The following CSMD1 variants were observed in gnomAD, a reference collection of about 807,000 sequenced individuals.
CSMD1 encodes CUB and sushi domain-containing protein 1.
A neutral mutation model predicts 417.5 loss-of-function variants in CSMD1; 213 were observed. The observed-to-expected ratio is 0.51, with a 90% CI of 0.46 to 0.57. CSMD1 has a LOEUF of 0.57. Ranked by LOEUF, CSMD1 falls within the 20% of genes least tolerant of loss-of-function variation. The pLI is 0.00. For missense variants in CSMD1, 6,923 were observed against 4,529.7 expected, an observed-to-expected ratio of 1.53 and a Z score of -15.17; for synonymous variants, 2,862 against 1,736.8, an observed-to-expected ratio of 1.65 and a Z score of -16.11.
chr8:4,924,022 G>A (rs772338579), intron 1 of CSMD1, among the ~76,000 whole-genome samples: 2 of 152,136 alleles, frequency 1.3e-5, no homozygotes, highest in African/African-American at 4.8e-5. Flanking sequence ...TTTGTCCTCT[G>A]TCACATCTCA....
chr8:3,656,404 A>G (rs1282005021), intron 7 of CSMD1, among the ~76,000 whole-genome samples: 1 of 151,880 alleles, frequency 6.6e-6, no homozygotes, highest in Non-Finnish European at 1.5e-5. Context: ...TTTTCCTCTC[A>G]GTGCATCACC....
chr8:4,049,447 G>A (rs17068768), intron 3 of CSMD1, among the ~76,000 whole-genome samples: 5,337 of 151,432 alleles, frequency 0.035, 161 homozygotes, highest in East Asian at 0.15. Context: ...CTGCCTACGA[G>A]ATGTCACCCA....
At chr8:3,160,034 C>G (rs141998710) in intron 38 of CSMD1, among the ~76,000 whole-genome samples, 100 of 152,270 alleles carry the variant, frequency 6.6e-4, no homozygotes, top group African/African-American at 2.4e-3. Context: ...AATTATAAAG[C>G]AAGCCCCGAA....
intron 5 of CSMD1, among the ~76,000 whole-genome samples, chr8:3,977,354 A>G (rs1407165094): frequency 2.0e-5 from 3 of 152,202 alleles, no homozygotes; most frequent in Non-Finnish European, 4.4e-5. Context: ...AGCAATGTCA[A>G]GTAGAAGGCA....
chr8:3,918,248 T>C (rs1398359420), intron 5 of CSMD1, among the ~76,000 whole-genome samples: 2 of 151,952 alleles, frequency 1.3e-5, no homozygotes, highest in East Asian at 1.9e-4. Flanking sequence ...GTAGGTTTTG[T>C]TGTTGTTGTT....
chr8:4,162,713 G>A (rs183905641), intron 3 of CSMD1, among the ~76,000 whole-genome samples: 3 of 152,252 alleles, frequency 2.0e-5, no homozygotes, highest in East Asian at 3.9e-4. Flanking sequence ...CCAGAGTGGT[G>A]CATTTGTTCC....
chr8:3,608,549 G>A (rs1470599019), intron 8 of CSMD1, among the ~76,000 whole-genome samples: 2 of 152,034 alleles, frequency 1.3e-5, no homozygotes, highest in African/African-American at 4.8e-5. Flanking sequence ...GGATCACGAG[G>A]TCAGGAGTTT....
At chr8:4,660,647 C>T (rs533340008) in intron 1 of CSMD1, among the ~76,000 whole-genome samples, 4 of 151,438 alleles carry the variant, frequency 2.6e-5, no homozygotes, top group African/African-American at 7.3e-5. Flanking sequence ...AAATTAAAAA[C>T]ATTTCCTCTT....
intron 23 of CSMD1, among the ~76,000 whole-genome samples, chr8:3,312,874 G>C (rs12681888): frequency 0.12 from 18,083 of 152,120 alleles, 1,342 homozygotes; most frequent in Admixed American, 0.18. Flanking sequence ...CATTCGTTAG[G>C]ATACAGCCTA....
At position 4,586,737 on chromosome 8, in the gene CSMD1, C is replaced by T. The variant is rs369479699; in HGVS notation, c.302+50605G>A. 2.0e-3 allele frequency among the ~76,000 whole-genome samples: 298 copies of T among 152,264 alleles called. 1 individual carries two copies. Among genetic ancestry groups the T allele is most frequent in the African/African-American group, 6.8e-3 (283 of 41,540 alleles). Reference sequence around the variant, plus strand: ...AAGCATCATGCCTGTGAGAGAGATCCTCCATGAATAGCTGTGCGGTTCCCC... The same window carrying T: ...AAGCATCATGCCTGTGAGAGAGATCTTCCATGAATAGCTGTGCGGTTCCCC... On this transcript the variant is annotated intron_variant, in intron 2 of 69. Coordinates refer to ENST00000635120, the MANE Select transcript of CSMD1 (RefSeq NM_033225.6).
intron 49 of CSMD1, among the ~76,000 whole-genome samples, chr8:3,070,198 G>A (rs537782243): frequency 6.6e-6 from 1 of 152,322 alleles, no homozygotes; most frequent in African/African-American, 2.4e-5. Flanking sequence ...ATACCTTCAA[G>A]GCCTTTTCCC....
rs114201889 is a variant in CSMD1, at chr8:3,558,908, C to T, written c.1344+16037G>A. Among the ~76,000 whole-genome samples, 1,068 of 152,244 alleles carry T rather than the reference C, an allele frequency of 7.0e-3. 15 individuals are homozygous for T. The highest frequency in any genetic ancestry group is 0.024 in the African/African-American group (999 of 41,522). ...TGCTCAAGGTGTCTGAAAAGGAAAG[C>T]GTCCTGGGGCAGCACCACGATTCGA... On this transcript the variant is annotated intron_variant, in intron 10 of 69. Transcript: ENST00000635120.
intron 8 of CSMD1, among the ~76,000 whole-genome samples, chr8:3,609,811 C>CTTTTTTTTTTTTTTT (rs71534362): frequency 2.7e-5 from 2 of 75,262 alleles, no homozygotes; most frequent in African/African-American, 5.0e-5. Context: ...AGTATCTTCC[C>CTTTTTTTTTTTTTTT]TTTTTTTTTT....
intron 1 of CSMD1, among the ~76,000 whole-genome samples, chr8:4,972,871 C>A (rs895543095): frequency 8.5e-5 from 13 of 152,074 alleles, no homozygotes; most frequent in African/African-American, 3.1e-4. Context: ...GCATAATTAC[C>A]TGCTAAATGA....
chr8:4,745,161 T>G (rs1203967859), intron 1 of CSMD1, among the ~76,000 whole-genome samples: 1 of 152,196 alleles, frequency 6.6e-6, no homozygotes, highest in East Asian at 1.9e-4. Flanking sequence ...ATTTATCTTA[T>G]GTAGGTAAGT....
intron 5 of CSMD1, among the ~76,000 whole-genome samples, chr8:3,821,979 A>AT (rs1424165044): frequency 6.6e-6 from 1 of 152,024 alleles, no homozygotes; most frequent in Non-Finnish European, 1.5e-5. Context: ...TTCCCTTCAC[A>AT]TTCTTTGCTC....
chr8:3,620,693 G>A (rs1194415159), intron 7 of CSMD1, among the ~76,000 whole-genome samples: 1 of 152,036 alleles, frequency 6.6e-6, no homozygotes, highest in Non-Finnish European at 1.5e-5. Flanking sequence ...CAATCACAAC[G>A]TGACACTACA....
intron 1 of CSMD1, among the ~76,000 whole-genome samples, chr8:4,817,219 T>A (rs1391578693): frequency 6.6e-6 from 1 of 152,246 alleles, no homozygotes; most frequent in East Asian, 1.9e-4. Context: ...TATATGATTT[T>A]AACCTAGATT....
At chr8:4,022,915 T>G (rs773483421) in intron 4 of CSMD1, among the ~76,000 whole-genome samples, 12 of 152,208 alleles carry the variant, frequency 7.9e-5, no homozygotes, top group Non-Finnish European at 1.5e-4. Context: ...TGAAAGCAAG[T>G]GTGCAACTAA....
Sources: gnomAD v4.1 joint callset for allele counts (sites outside exome capture counted in the v4.1 genomes callset) on GRCh38, gnomAD v4.1.1 for gene constraint, MANE v1.5 for transcripts, NCBI Gene and HGNC (gene_info 2026-07-23, HGNC 2026-07-21) for gene names.